The following RIC8B variants were observed in gnomAD, a reference collection of about 807,000 sequenced individuals.
RIC8B encodes chaperone Ric-8B.
RIC8B carries 16 observed loss-of-function variants against 57.5 expected under a neutral mutation model. The ratio of observed to expected loss-of-function variants is 0.28; its 90% CI spans 0.19 to 0.42. The LOEUF (loss-of-function observed/expected upper bound fraction) is 0.42, where lower values mean the gene tolerates loss of function less well. Ranked by LOEUF, RIC8B falls within the 10% of genes least tolerant of loss-of-function variation. RIC8B has a pLI of 1.00. For missense variants in RIC8B, 481 were observed against 677.0 expected (o/e 0.71, Z 3.21); for synonymous variants, 216 against 250.8 (o/e 0.86, Z 1.31).
chr12:106,846,142 C>T (rs1020711259), intron 6 of RIC8B, among the ~76,000 whole-genome samples: 1 of 152,164 alleles, frequency 6.6e-6, no homozygotes, highest in Non-Finnish European at 1.5e-5. Flanking sequence ...CAGCCCTGAC[C>T]TGTCACCTAA....
chr12:106,855,882 C>G (rs1390934507), intron 7 of RIC8B, among the ~76,000 whole-genome samples: 1 of 152,138 alleles, frequency 6.6e-6, no homozygotes, highest in Non-Finnish European at 1.5e-5. Context: ...CTGGACCTCT[C>G]TGCCTGAGTT....
intron 4 of RIC8B, among the ~76,000 whole-genome samples, chr12:106,831,437 A>G (rs1329097138): frequency 6.6e-6 from 1 of 152,208 alleles, no homozygotes; most frequent in Non-Finnish European, 1.5e-5. Context: ...CATCCTATGT[A>G]TATGATTCTA....
intron 4 of RIC8B, among the ~76,000 whole-genome samples, chr12:106,840,752 A>C (rs1036955987): frequency 6.6e-6 from 1 of 152,188 alleles, no homozygotes; most frequent in African/African-American, 2.4e-5. Context: ...GAATTCCTGG[A>C]AACTGCTTAC....
intron 2 of RIC8B, among the ~76,000 whole-genome samples, chr12:106,792,443 T>G (rs1184247521): frequency 1.3e-5 from 2 of 152,202 alleles, no homozygotes; most frequent in Non-Finnish European, 2.9e-5. Flanking sequence ...TGATTTGTAC[T>G]TTAGAGTTTC....
chr12:106,860,191 T>G, intron 7 of RIC8B, 77 bp from the exon 8 acceptor site: 1 of 1,251,174 alleles, frequency 8.0e-7, no homozygotes, highest in Non-Finnish European at 1.1e-6. Flanking sequence ...TCTTCAATCT[T>G]CTTGTGTTGG....
intron 9 of RIC8B, chr12:106,873,155 C>G: frequency 1.0e-6 from 1 of 985,378 alleles, no homozygotes; most frequent in Non-Finnish European, 1.2e-6. Flanking sequence ...CGGAAGTACC[C>G]AGCAGATGCC....
At chr12:106,830,063 C>CT (rs1458848883) in intron 4 of RIC8B, among the ~76,000 whole-genome samples, 1 of 152,198 alleles carries the variant, frequency 6.6e-6, no homozygotes, top group Non-Finnish European at 1.5e-5. Flanking sequence ...CAGTAACACA[C>CT]TGTTTTGGTT....
At chr12:106,819,315 CTT>C (rs1287880503) in intron 3 of RIC8B, among the ~76,000 whole-genome samples, 1 of 152,086 alleles carries the variant, frequency 6.6e-6, no homozygotes, top group East Asian at 1.9e-4. Flanking sequence ...CTTGCTATTG[CTT>C]TTCTTTAAAT....
intron 6 of RIC8B, among the ~76,000 whole-genome samples, chr12:106,845,917 G>A (rs898286642): frequency 1.1e-4 from 17 of 152,112 alleles, no homozygotes; most frequent in African/African-American, 4.1e-4. Context: ...TTTGATGTAA[G>A]TATTCCCTCC....
At chr12:106,820,331 A>C (rs1423640785) in intron 3 of RIC8B, among the ~76,000 whole-genome samples, 1 of 152,190 alleles carries the variant, frequency 6.6e-6, no homozygotes, top group Non-Finnish European at 1.5e-5. Flanking sequence ...CTTTCCATTC[A>C]GTGGGAAATG....
intron 2 of RIC8B, among the ~76,000 whole-genome samples, chr12:106,805,446 A>T (rs969682578): frequency 6.6e-6 from 1 of 152,152 alleles, no homozygotes; most frequent in Non-Finnish European, 1.5e-5. Flanking sequence ...GCAGTAAGTC[A>T]TAATGGCACC....
intron 3 of RIC8B, chr12:106,823,360 T>C: frequency 4.5e-6 from 2 of 444,804 alleles, no homozygotes; most frequent in Non-Finnish European, 9.1e-6. Context: ...AGTAGAGAAA[T>C]AGAGCTAATT....
intron 2 of RIC8B, among the ~76,000 whole-genome samples, chr12:106,806,842 A>G (rs1407644229): frequency 6.6e-6 from 1 of 152,158 alleles, no homozygotes; most frequent in Non-Finnish European, 1.5e-5. Flanking sequence ...TAAATAAATA[A>G]ATAAAAGAAT....
At chr12:106,775,500 C>T (rs1020798598) in intron 1 of RIC8B, 2 of 362,110 alleles carry the variant, frequency 5.5e-6, no homozygotes, top group African/African-American at 2.1e-5. Context: ...TATCCATTAT[C>T]TTATTTAATC....
chr12:106,855,107 A>T (rs558588162), intron 7 of RIC8B, among the ~76,000 whole-genome samples: 5 of 152,296 alleles, frequency 3.3e-5, no homozygotes, highest in Non-Finnish European at 7.4e-5. Context: ...CTTTTATCGT[A>T]TTCATTAAAT....
At chr12:106,812,359 T>A (rs2045371633) in intron 2 of RIC8B, among the ~76,000 whole-genome samples, 2 of 152,170 alleles carry the variant, frequency 1.3e-5, no homozygotes, top group Non-Finnish European at 2.9e-5. Flanking sequence ...TAGCCCTGGC[T>A]ATTCCAATTT....
intron 1 of RIC8B, among the ~76,000 whole-genome samples, chr12:106,780,575 A>C (rs149189629): frequency 2.4e-4 from 36 of 151,960 alleles, no homozygotes; most frequent in African/African-American, 8.4e-4. Context: ...CTTTGATTTC[A>C]CTCTGTGGGT....
chr12:106,837,936 T>G (rs974145777), intron 4 of RIC8B, among the ~76,000 whole-genome samples: 1 of 151,908 alleles, frequency 6.6e-6, no homozygotes, highest in Non-Finnish European at 1.5e-5. Context: ...GCACCACACC[T>G]GGTCGGGGAT....
intron 1 of RIC8B, among the ~76,000 whole-genome samples, chr12:106,782,038 TTATC>T (rs1341732002): frequency 1.3e-5 from 2 of 152,054 alleles, no homozygotes; most frequent in Non-Finnish European, 2.9e-5. Flanking sequence ...TTGTTCTTTA[TTATC>T]TATTTAAAAA....
Sources: gnomAD v4.1 joint callset for allele counts (sites outside exome capture counted in the v4.1 genomes callset) on GRCh38, gnomAD v4.1.1 for gene constraint, MANE v1.5 for transcripts, NCBI Gene and HGNC (gene_info 2026-07-23, HGNC 2026-07-21) for gene names.